Variants in ANKH observed in about 807,000 individuals in gnomAD.
The protein encoded by ANKH is ANKH inorganic pyrophosphate transport regulator.
A neutral mutation model predicts 49.0 loss-of-function variants in ANKH; 15 were observed. The ratio of observed to expected loss-of-function variants is 0.31; its 90% CI spans 0.20 to 0.47. The LOEUF (loss-of-function observed/expected upper bound fraction) is 0.47. ANKH is among the 20% of genes least tolerant of loss of function. The pLI, the probability that ANKH is intolerant of heterozygous loss-of-function variation, is 1.00. For synonymous variants in ANKH, 273 were observed against 260.0 expected (o/e 1.05, Z -0.48); for missense variants, 429 against 652.0 (o/e 0.66, Z 3.72).
At chr5:14,729,811 C>T (rs1737939593) in intron 8 of ANKH, among the ~76,000 whole-genome samples, 1 of 152,174 alleles carries the variant, frequency 6.6e-6, no homozygotes, top group South Asian at 2.1e-4. Context: ...GGGGTTAGCT[C>T]AGTGTGTCCA....
chr5:14,817,894 T>A (rs997578697), intron 1 of ANKH, among the ~76,000 whole-genome samples: 2 of 151,934 alleles, frequency 1.3e-5, no homozygotes, highest in Non-Finnish European at 2.9e-5. Flanking sequence ...TAAAACCCCA[T>A]CTCTACTAAA....
chr5:14,802,651 C>A (rs1002045474), intron 1 of ANKH, among the ~76,000 whole-genome samples: 91 of 152,180 alleles, frequency 6.0e-4, no homozygotes, highest in African/African-American at 2.2e-3. Flanking sequence ...AGATTCCAGA[C>A]ACAAGGCGTC....
At chr5:14,782,856 C>T (rs1739852625) in intron 1 of ANKH, among the ~76,000 whole-genome samples, 1 of 152,202 alleles carries the variant, frequency 6.6e-6, no homozygotes, top group African/African-American at 2.4e-5. Context: ...TGCACCTGCT[C>T]ATTGTCACCA....
chr5:14,808,304 G>C lies in ANKH; in HGVS notation c.97-39113C>G, dbSNP rs959139545. ...GTTTGTAAATCTTATAGTGATCTTT[G>C]ACCAAAAGCCATCAAGTCTAAGACT... On this transcript the variant is annotated intron_variant, in intron 1 of 11. Coordinates refer to ENST00000284268, the MANE Select transcript of ANKH (RefSeq NM_054027.6). 7.2e-5 allele frequency among the ~76,000 whole-genome samples: 11 copies of C among 151,792 alleles called. No individual in the cohort carries two copies. In the South Asian group the frequency reaches 2.3e-3, roughly 32 times the overall value.
At chr5:14,849,570 T>C (rs1482850323) in intron 1 of ANKH, among the ~76,000 whole-genome samples, 1 of 152,224 alleles carries the variant, frequency 6.6e-6, no homozygotes, top group Non-Finnish European at 1.5e-5. Flanking sequence ...CTCATTGTCA[T>C]GATATACAAT....
intron 8 of ANKH, among the ~76,000 whole-genome samples, chr5:14,740,191 T>C (rs967579361): frequency 1.3e-4 from 20 of 152,274 alleles, no homozygotes; most frequent in South Asian, 2.1e-4. Context: ...GTCAGCTTTA[T>C]ATGCAGATGA....
intron 1 of ANKH, among the ~76,000 whole-genome samples, chr5:14,780,540 C>CA (rs144784393): frequency 0.011 from 1,715 of 151,648 alleles, 31 homozygotes; most frequent in African/African-American, 0.039. Context: ...TAGACTGTCT[C>CA]AAAAAAAACA....
At position 14,705,582 on chromosome 5, in the gene ANKH, C is replaced by T. The variant is rs1736916091; in HGVS notation, c.*5615G>A. The T allele has an allele frequency of 6.6e-6, 1 of 152,304 alleles. No individual in the cohort carries two copies. The highest frequency in any genetic ancestry group is 2.1e-4 in the South Asian group (1 of 4,824). The allele number at this position is 152,304 out of a possible 1,614,324, so 9.4% of individuals were successfully genotyped here. A position where few individuals can be genotyped will look rare whatever the true frequency, so the allele number is the denominator to read the frequency against. ...GTGGCTCTTGTCCACTTTCCCGAAG[C>T]CCTTTGATTAACTCCTTGGCCCTAC... On this transcript the variant is annotated 3_prime_UTR_variant, in exon 12 of 12. Coordinates refer to ENST00000284268, the MANE Select transcript of ANKH (RefSeq NM_054027.6).
intron 1 of ANKH, chr5:14,868,702 C>G (rs1413987131): frequency 6.7e-6 from 1 of 149,828 alleles, no homozygotes; most frequent in Non-Finnish European, 1.5e-5. Context: ...AGCTATAGCA[C>G]CTGGCCTTTT....
chr5:14,767,329 T>C (rs1739287887), intron 2 of ANKH, among the ~76,000 whole-genome samples: 1 of 152,150 alleles, frequency 6.6e-6, no homozygotes, highest in South Asian at 2.1e-4. Context: ...GGTACATCAT[T>C]AAGATCTGAT....
chr5:14,788,106 A>C (rs1215241894), intron 1 of ANKH: 1 of 152,228 alleles, frequency 6.6e-6, no homozygotes, highest in Non-Finnish European at 1.5e-5. Context: ...TTGGAGCCCT[A>C]GAAGCTTACC....
rs569391454 is a variant in ANKH, at chr5:14,846,017, G to A, written c.96+25335C>T. 6.8e-4 allele frequency among the ~76,000 whole-genome samples: 103 copies of A among 151,746 alleles called. 2 individuals are homozygous for A. The South Asian group carries it at 9.6e-3, about 14-fold the overall frequency. On this transcript the variant is annotated intron_variant, in intron 1 of 11. Coordinates refer to ENST00000284268, the MANE Select transcript of ANKH (RefSeq NM_054027.6). ...ATTACAGGCACCTGCCACCACGCCC[G>A]GCAAATTTTTTGTATTTTTAGTAGA... is the stretch of plus-strand genomic sequence containing the variant.
intron 1 of ANKH, among the ~76,000 whole-genome samples, chr5:14,804,242 T>C (rs914456840): frequency 6.6e-6 from 1 of 152,204 alleles, no homozygotes; most frequent in Non-Finnish European, 1.5e-5. Flanking sequence ...AGAGAGAATT[T>C]CATTACTCAC....
intron 1 of ANKH, among the ~76,000 whole-genome samples, chr5:14,817,209 G>A (rs26305): frequency 0.47 from 70,845 of 151,912 alleles, 16,800 homozygotes; most frequent in East Asian, 0.75. Context: ...GCTTTCTGTG[G>A]TGCATTTTGG....
rs1390867607 is a variant in ANKH, at chr5:14,769,206, A to G, written c.97-15T>C. 1.9e-6 allele frequency: 3 copies of G among 1,599,962 alleles called. No individual in the cohort carries two copies. Among genetic ancestry groups the G allele is most frequent in the Admixed American group, 1.7e-5 (1 of 58,756 alleles). On this transcript the variant is annotated splice_polypyrimidine_tract_variant and intron_variant, in intron 1 of 11. Coordinates refer to ENST00000284268, the MANE Select transcript of ANKH (RefSeq NM_054027.6). ...CGGTTCAAGGCCTGGGAAGGGGGAAAAAAACCCACAAGCATTAGAAATGTC... is the reference window on the plus strand; with the variant it reads ...CGGTTCAAGGCCTGGGAAGGGGGAAGAAAACCCACAAGCATTAGAAATGTC...
At position 14,713,449 on chromosome 5, in the gene ANKH, C is replaced by T. The variant is rs1737316935; in HGVS notation, c.1265+95G>A. On this transcript the variant is annotated intron_variant, in intron 10 of 11. Coordinates refer to ENST00000284268, the MANE Select transcript of ANKH (RefSeq NM_054027.6). The surrounding 1 kb of genome is among the most constrained non-coding windows in gnomAD (Gnocchi z 4.4). The stretch of plus-strand genomic sequence containing the variant: ...TCTGAATTTCCGATTCTAGACGTGC[C>T]TGGGGATTTCCCCTGAAAATGTAGC... 1.3e-6 allele frequency: 2 copies of T among 1,530,008 alleles called. No homozygotes were observed. Among genetic ancestry groups the T allele is most frequent in the Non-Finnish European group, 1.8e-6 (2 of 1,119,384 alleles). The allele number at this position is 1,530,008 out of a possible 1,614,324, so 94.8% of individuals were successfully genotyped here.
intron 1 of ANKH, among the ~76,000 whole-genome samples, chr5:14,798,864 T>C (rs1036806350): frequency 2.6e-5 from 4 of 152,118 alleles, no homozygotes; most frequent in Non-Finnish European, 4.4e-5. Context: ...AACCCTACAA[T>C]GGCCTCTAAC....
chr5:14,751,752 T>A (rs1437418079), intron 4 of ANKH, among the ~76,000 whole-genome samples: 1 of 152,172 alleles, frequency 6.6e-6, no homozygotes, highest in Non-Finnish European at 1.5e-5. Flanking sequence ...CCACTGACAT[T>A]GGAGGCATTA....
intron 1 of ANKH, chr5:14,797,930 A>T: frequency 6.3e-7 from 1 of 1,592,810 alleles, no homozygotes; most frequent in Non-Finnish European, 8.6e-7. Flanking sequence ...GTTTAGAAGG[A>T]TGTTTTGTAT....
Sources: gnomAD v4.1 joint callset for allele counts (sites outside exome capture counted in the v4.1 genomes callset) on GRCh38, gnomAD v4.1.1 for gene constraint, Gnocchi (gnomAD v3.1) non-coding constraint, MANE v1.5 for transcripts, NCBI Gene and HGNC (gene_info 2026-07-23, HGNC 2026-07-21) for gene names.